EFCAB14: variants seen among roughly 807,000 people sequenced by gnomAD.
EFCAB14 encodes EF-hand calcium-binding domain-containing protein 14.
Under a neutral mutation model 56.5 loss-of-function variants are expected in EFCAB14, and 43 were observed. That is an observed-to-expected ratio of 0.76 (90% CI 0.60 to 0.98). The LOEUF is 0.98. EFCAB14 is among the 50% of genes least tolerant of loss of function. The pLI is 0.00. For synonymous variants in EFCAB14, 235 were observed against 212.9 expected (o/e 1.10, Z -0.90); for missense variants, 538 against 580.3 (o/e 0.93, Z 0.75).
At position 46,683,374 on chromosome 1, in the gene EFCAB14, T is replaced by C. The variant is rs754205225; in HGVS notation, c.1238A>G (p.Gln413Arg). ...TTTCTCAACTGGGTCTCCAAGAAAC[T>C]GTGAAAATTTTGGCAATGCTGATGG... Reference protein sequence around the residue: ...SKPSALPKFSQFLGDPVEKAA... With the variant: ...SKPSALPKFSRFLGDPVEKAA... Residue 413 changes from glutamine (Q) to arginine (R), a missense_variant, in exon 10 of 11, where the codon CAG (glutamine) becomes CGG (arginine). Coordinates refer to ENST00000371933, the MANE Select transcript of EFCAB14 (RefSeq NM_014774.3). 1 of 1,613,920 alleles carries C rather than the reference T, an allele frequency of 6.2e-7. No homozygotes were observed. The highest frequency in any genetic ancestry group is 8.5e-7 in the Non-Finnish European group (1 of 1,179,852).
chr1:46,693,535 A>C (rs185896331), intron 4 of EFCAB14, among the ~76,000 whole-genome samples: 9 of 152,104 alleles, frequency 5.9e-5, no homozygotes, highest in Non-Finnish European at 1.5e-5. Flanking sequence ...TTTGCTATCT[A>C]TGTAAGCTCT....
intron 3 of EFCAB14, among the ~76,000 whole-genome samples, chr1:46,700,828 CTTAT>C (rs1557446858): frequency 6.6e-6 from 1 of 151,964 alleles, no homozygotes; most frequent in African/African-American, 2.4e-5. Flanking sequence ...ATTGAATGAC[CTTAT>C]TTATTTACAA....
At chr1:46,682,755 G>C (rs1676816014) in intron 10 of EFCAB14, among the ~76,000 whole-genome samples, 1 of 152,228 alleles carries the variant, frequency 6.6e-6, no homozygotes, top group Admixed American at 6.5e-5. Context: ...CAGGTGAGTT[G>C]GTTTGTGCTT....
intron 5 of EFCAB14, among the ~76,000 whole-genome samples, chr1:46,690,061 A>G (rs3766220): frequency 0.064 from 9,727 of 152,308 alleles, 871 homozygotes; most frequent in East Asian, 0.4. Flanking sequence ...AACCTGGGAC[A>G]GTGTCATTGT....
intron 3 of EFCAB14, among the ~76,000 whole-genome samples, chr1:46,697,727 G>C (rs1677096373): frequency 6.6e-6 from 1 of 152,118 alleles, no homozygotes; most frequent in Non-Finnish European, 1.5e-5. Context: ...CAGCAGAGAG[G>C]CAAACAAGAC....
intron 2 of EFCAB14, among the ~76,000 whole-genome samples, chr1:46,711,794 T>C (rs1407533767): frequency 6.6e-6 from 1 of 152,234 alleles, no homozygotes; most frequent in African/African-American, 2.4e-5. Context: ...CAATATTTTA[T>C]ATTTATACAA....
At chr1:46,683,556 A>ATC in intron 9 of EFCAB14, 131 bp from the exon 10 acceptor site, 1 of 970,916 alleles carries the variant, frequency 1.0e-6, no homozygotes, top group Non-Finnish European at 1.5e-6. Context: ...ATAAAGTAGC[A>ATC]TAGTGACTAT....
intron 6 of EFCAB14, 129 bp downstream of exon 6, chr1:46,689,457 TG>T: frequency 2.5e-6 from 2 of 786,350 alleles, no homozygotes; most frequent in East Asian, 5.2e-5. Context: ...CATTCCTCTC[TG>T]CTCAGCTCCC....
intron 4 of EFCAB14, among the ~76,000 whole-genome samples, chr1:46,693,153 C>T (rs992362058): frequency 2.0e-5 from 3 of 152,056 alleles, no homozygotes; most frequent in Non-Finnish European, 4.4e-5. Context: ...TTTCATTAGC[C>T]CTAAAAAGCC....
At chr1:46,714,429 T>TAAAA (rs796203292) in intron 2 of EFCAB14, among the ~76,000 whole-genome samples, 1 of 107,846 alleles carries the variant, frequency 9.3e-6, no homozygotes, top group African/African-American at 3.3e-5. Flanking sequence ...TCAGTGTTGC[T>TAAAA]AAAAAAAAAA....
intron 10 of EFCAB14, among the ~76,000 whole-genome samples, chr1:46,679,086 T>C (rs1223655258): frequency 6.6e-6 from 1 of 152,208 alleles, no homozygotes; most frequent in Non-Finnish European, 1.5e-5. Context: ...AGAGGCCTAA[T>C]GAGTTATGTG....
chr1:46,708,144 G>C, intron 2 of EFCAB14, 93 bp from the exon 3 acceptor site: 1 of 1,222,062 alleles, frequency 8.2e-7, no homozygotes, highest in Non-Finnish European at 1.1e-6. Context: ...AAAGAAGATG[G>C]ATTAATAAAA....
intron 3 of EFCAB14, among the ~76,000 whole-genome samples, chr1:46,705,869 T>C (rs1287890009): frequency 6.6e-6 from 1 of 152,038 alleles, no homozygotes; most frequent in Non-Finnish European, 1.5e-5. Context: ...TTTAACTTTT[T>C]TTTTCTTTTT....
At chr1:46,689,146 C>T in intron 6 of EFCAB14, among the ~76,000 whole-genome samples, 1 of 151,930 alleles carries the variant, frequency 6.6e-6, no homozygotes, top group East Asian at 1.9e-4. Flanking sequence ...GTCTTTTTTC[C>T]CCCTCTTGCC....
At chr1:46,708,112 GA>G in intron 2 of EFCAB14, 61 bp from the exon 3 acceptor site, 1 of 1,455,230 alleles carries the variant, frequency 6.9e-7, no homozygotes, top group Non-Finnish European at 9.2e-7. Context: ...GTCCTAAGAT[GA>G]AAAAATCATC....
intron 2 of EFCAB14, among the ~76,000 whole-genome samples, chr1:46,711,245 A>G (rs1249032749): frequency 1.3e-5 from 2 of 152,226 alleles, no homozygotes; most frequent in African/African-American, 4.8e-5. Context: ...AGCCAGTCTA[A>G]ATTCATTTCA....
chr1:46,705,144 C>T (rs998914001), intron 3 of EFCAB14, among the ~76,000 whole-genome samples: 4 of 152,200 alleles, frequency 2.6e-5, no homozygotes, highest in African/African-American at 9.7e-5. Flanking sequence ...AGATGTGTAA[C>T]ATTAATTTTA....
Position 46,703,843 on chromosome 1 carries a change from A to G in EFCAB14, c.480+4063T>C, listed in dbSNP as rs565195187. Among the ~76,000 whole-genome samples, 91 of 152,356 alleles carry G rather than the reference A, an allele frequency of 6.0e-4. 1 individual carries two copies. The highest frequency in any genetic ancestry group is 2.2e-3 in the African/African-American group (90 of 41,586). On this transcript the variant is annotated intron_variant, in intron 3 of 10. Transcript: ENST00000371933. ...GCTGCTCTGCATGTGTTGATGAATG[A>G]CTGCAAAAGTGCCACAAGTATAGAT...
intron 5 of EFCAB14, among the ~76,000 whole-genome samples, chr1:46,691,140 T>C (rs1339966502): frequency 1.3e-5 from 2 of 152,208 alleles, no homozygotes; most frequent in Non-Finnish European, 2.9e-5. Context: ...CACTAAGTGA[T>C]CCAGAGATAT....
Sources: allele counts gnomAD v4.1 joint callset (sites outside exome capture counted in the v4.1 genomes callset), GRCh38; gene constraint gnomAD v4.1.1; transcripts MANE v1.5; gene names NCBI Gene and HGNC (gene_info 2026-07-23, HGNC 2026-07-21).